ADAM32: variants seen among roughly 807,000 people sequenced by gnomAD.
The protein encoded by ADAM32 is ADAM metallopeptidase domain 32.
ADAM32 carries 89 observed loss-of-function variants against 114.9 expected under a neutral mutation model. The observed-to-expected ratio is 0.77, with a 90% CI of 0.65 to 0.92. ADAM32 has a LOEUF of 0.92. Ranked by LOEUF, ADAM32 falls within the 40% of genes least tolerant of loss-of-function variation. The probability of loss-of-function intolerance (pLI) is 0.00; values close to 1 mark genes in which losing one functional copy is unlikely to be tolerated. For synonymous variants in ADAM32, 285 were observed against 307.5 expected (o/e 0.93, Z 0.77); for missense variants, 870 against 932.8 (o/e 0.93, Z 0.88).
chr8:39,260,221 C>T (rs1811938435), intron 19 of ADAM32, among the ~76,000 whole-genome samples: 1 of 152,102 alleles, frequency 6.6e-6, no homozygotes, highest in Non-Finnish European at 1.5e-5. Context: ...TTAAGATCTA[C>T]TCCCTTAGCA....
intron 3 of ADAM32, among the ~76,000 whole-genome samples, chr8:39,144,589 A>C (rs1362028964): frequency 6.6e-6 from 1 of 152,190 alleles, no homozygotes; most frequent in Non-Finnish European, 1.5e-5. Context: ...TGGGGGAGAG[A>C]AGTGTGAGTA....
At chr8:39,115,935 A>G (rs1355257291) in intron 1 of ADAM32, among the ~76,000 whole-genome samples, 2 of 152,180 alleles carry the variant, frequency 1.3e-5, no homozygotes, top group African/African-American at 2.4e-5. Context: ...CAAAAGGTTC[A>G]GTTGCAGTCT....
At chr8:39,219,849 G>T (rs1216667190) in intron 12 of ADAM32, among the ~76,000 whole-genome samples, 1 of 152,130 alleles carries the variant, frequency 6.6e-6, no homozygotes, top group Non-Finnish European at 1.5e-5. Flanking sequence ...TTTAGACTTG[G>T]TTTATGGTTG....
chr8:39,189,022 A>T (rs1806429087), intron 11 of ADAM32, among the ~76,000 whole-genome samples: 2 of 152,186 alleles, frequency 1.3e-5, no homozygotes, highest in Non-Finnish European at 2.9e-5. Flanking sequence ...CTAGATATAC[A>T]GTTAATTAGT....
rs188850966 is a variant in ADAM32, at chr8:39,242,872, C to T, written c.1819-3211C>T. On this transcript the variant is annotated intron_variant, in intron 16 of 24. Coordinates refer to ENST00000379907, the MANE Select transcript of ADAM32 (RefSeq NM_145004.7). ...TGGTTCTTTGAAAAGATAAACAAAA[C>T]GGATAGACCATTAGTGATATTAACC... Among the ~76,000 whole-genome samples the T allele has an allele frequency of 1.0e-3, 156 of 152,104 alleles. 1 individual carries two copies. The highest frequency in any genetic ancestry group is 8.7e-4 in the Non-Finnish European group (59 of 67,982).
rs78334329 is a variant in ADAM32, at chr8:39,275,845, G to A, written c.2258G>A (p.Ser753Asn). The A allele has an allele frequency of 1.4e-3, 2,228 of 1,561,802 alleles. 28 individuals carry two copies. In the African/African-American group the frequency reaches 0.026, roughly 18 times the overall value. The change falls in exon 22 of 25, where the codon AGC (serine) becomes AAC (asparagine). Residue 753 changes from serine (S) to asparagine (N), a missense_variant. Transcript: ENST00000379907. ...TCTTTTAGAACCAGATCAGAAAGCA[G>A]CAGTCAAGCTGATACTAGCAAGTAA... is the stretch of plus-strand genomic sequence containing the variant. ...TYASQTRSES[S>N]SQADTSKSKS...
chr8:39,202,176 T>A (rs1440167520), intron 11 of ADAM32, among the ~76,000 whole-genome samples: 4 of 152,246 alleles, frequency 2.6e-5, no homozygotes, highest in Non-Finnish European at 5.9e-5. Context: ...CTTTTTCTAT[T>A]GATGGGAATA....
chr8:39,171,030 T>G (rs1249907796), intron 10 of ADAM32, among the ~76,000 whole-genome samples: 2 of 152,030 alleles, frequency 1.3e-5, no homozygotes. Flanking sequence ...GCCTCCAAGG[T>G]TCAAGCGATT....
intron 11 of ADAM32, among the ~76,000 whole-genome samples, chr8:39,204,001 G>A (rs202178281): frequency 1.3e-5 from 2 of 152,278 alleles, no homozygotes; most frequent in African/African-American, 2.4e-5. Flanking sequence ...TGAGAGATCC[G>A]CTGTTAGTCT....
At chr8:39,177,624 A>G (rs1214040474) in intron 10 of ADAM32, among the ~76,000 whole-genome samples, 3 of 151,992 alleles carry the variant, frequency 2.0e-5, no homozygotes, top group Admixed American at 6.6e-5. Context: ...GTGTACTTCA[A>G]TGTGTTTTGG....
chr8:39,250,367 G>T (rs1487497768), intron 17 of ADAM32, among the ~76,000 whole-genome samples: 1 of 151,364 alleles, frequency 6.6e-6, no homozygotes, highest in Non-Finnish European at 1.5e-5. Flanking sequence ...CTATTTACGG[G>T]CCCATCAAAA....
At chr8:39,178,414 G>A (rs867595704) in intron 10 of ADAM32, among the ~76,000 whole-genome samples, 1 of 152,178 alleles carries the variant, frequency 6.6e-6, no homozygotes, top group African/African-American at 2.4e-5. Context: ...AACTGCTCCT[G>A]TATTGTTTTA....
At chr8:39,273,709 C>T (rs928318211) in intron 20 of ADAM32, among the ~76,000 whole-genome samples, 1 of 152,118 alleles carries the variant, frequency 6.6e-6, no homozygotes, top group Non-Finnish European at 1.5e-5. Context: ...TCCTGTTTAA[C>T]CTGTGAGCTC....
At chr8:39,160,821 T>C in intron 6 of ADAM32, 76 bp from the exon 7 acceptor site, 3 of 1,258,754 alleles carry the variant, frequency 2.4e-6, no homozygotes, top group Non-Finnish European at 3.3e-6. Flanking sequence ...TGCTGTGGTA[T>C]TAGCTTTAAA....
At chr8:39,202,825 T>C (rs1032211332) in intron 11 of ADAM32, among the ~76,000 whole-genome samples, 3 of 152,224 alleles carry the variant, frequency 2.0e-5, no homozygotes, top group African/African-American at 4.8e-5. Flanking sequence ...GATTCTGGTA[T>C]GTTGTGTCTT....
chr8:39,141,238 AGTTT>A (rs1329121706), intron 3 of ADAM32, among the ~76,000 whole-genome samples: 1 of 151,888 alleles, frequency 6.6e-6, no homozygotes. Context: ...CTAGCTTTTG[AGTTT>A]GTTTGTTCTT....
intron 2 of ADAM32, among the ~76,000 whole-genome samples, chr8:39,119,292 G>C (rs942561658): frequency 6.6e-6 from 1 of 152,150 alleles, no homozygotes; most frequent in Non-Finnish European, 1.5e-5. Flanking sequence ...CTGCTACACT[G>C]TTTTCCATAG....
At chr8:39,143,104 G>C (rs547405909) in intron 3 of ADAM32, among the ~76,000 whole-genome samples, 3 of 152,058 alleles carry the variant, frequency 2.0e-5, no homozygotes, top group Non-Finnish European at 4.4e-5. Flanking sequence ...TTAGCCATTT[G>C]TCTAACCTTT....
chr8:39,270,528 T>G (rs1812645411), intron 19 of ADAM32, among the ~76,000 whole-genome samples: 1 of 152,166 alleles, frequency 6.6e-6, no homozygotes, highest in Non-Finnish European at 1.5e-5. Flanking sequence ...AGTCTTTTCT[T>G]TAAAAATGAA....
Sources: gnomAD v4.1 joint callset for allele counts (sites outside exome capture counted in the v4.1 genomes callset) on GRCh38, gnomAD v4.1.1 for gene constraint, MANE v1.5 for transcripts, NCBI Gene and HGNC (gene_info 2026-07-23, HGNC 2026-07-21) for gene names.